Variants in EPB41 observed in about 807,000 individuals in gnomAD.
The protein encoded by EPB41 is erythrocyte membrane protein band 4.1.
EPB41 carries 65 observed loss-of-function variants against 108.0 expected under a neutral mutation model. The observed-to-expected ratio is 0.60, with a 90% CI of 0.49 to 0.74. The LOEUF is 0.74. EPB41 is among the 30% of genes least tolerant of loss of function. EPB41 has a pLI of 0.00. For synonymous variants in EPB41, 336 were observed against 358.9 expected (o/e 0.94, Z 0.72); for missense variants, 875 against 1,037.0 (o/e 0.84, Z 2.15).
chr1:29,100,687 A>G (rs564534041), intron 17 of EPB41, among the ~76,000 whole-genome samples: 2 of 146,792 alleles, frequency 1.4e-5, no homozygotes, highest in East Asian at 3.9e-4. Flanking sequence ...TAAATTATAT[A>G]ATTATAATAT....
intron 16 of EPB41, among the ~76,000 whole-genome samples, chr1:29,092,050 G>A (rs1003456930): frequency 2.7e-5 from 4 of 148,972 alleles, no homozygotes; most frequent in African/African-American, 9.9e-5. Context: ...GTGTAAGCTG[G>A]TTCAAACTGT....
intron 15 of EPB41, among the ~76,000 whole-genome samples, chr1:29,062,778 G>A (rs1021343926): frequency 4.0e-5 from 6 of 151,456 alleles, no homozygotes; most frequent in Non-Finnish European, 8.8e-5. Context: ...CTCCCAGAGA[G>A]AACCTGTAGC....
intron 16 of EPB41, among the ~76,000 whole-genome samples, chr1:29,087,278 A>C (rs1659444992): frequency 6.6e-6 from 1 of 151,792 alleles, no homozygotes; most frequent in Admixed American, 6.6e-5. Context: ...AAATATGTAA[A>C]TCCTTACTTC....
At chr1:28,980,036 T>A (rs2095700311) in intron 1 of EPB41, among the ~76,000 whole-genome samples, 1 of 152,196 alleles carries the variant, frequency 6.6e-6, no homozygotes, top group African/African-American at 2.4e-5. Context: ...ACAGCAAGGA[T>A]GAAAGTTTCA....
Position 29,118,587 on chromosome 1 carries a change from C to CAACA in EPB41, c.*1776_*1779dup, listed in dbSNP as rs1166407352. 2.0e-5 allele frequency: 3 copies of CAACA among 152,282 alleles called. No homozygotes were observed. The highest frequency in any genetic ancestry group is 7.2e-5 in the African/African-American group (3 of 41,448). 9.4% of individuals were successfully genotyped at this position (152,282 alleles called of 1,614,324 possible). On this transcript the variant is annotated 3_prime_UTR_variant, in exon 21 of 21. Transcript: ENST00000343067. Reference sequence around the variant, plus strand: ...GAGAAATGTCTAAAGCTGCTTCTCCCAACACCGTCCAAAGTCTCCACTGCC... The same window carrying CAACA: ...GAGAAATGTCTAAAGCTGCTTCTCCCAACAAACACCGTCCAAAGTCTCCACTGCC...
intron 2 of EPB41, among the ~76,000 whole-genome samples, chr1:28,988,123 C>T (rs1230834225): frequency 6.6e-6 from 1 of 152,110 alleles, no homozygotes; most frequent in Non-Finnish European, 1.5e-5. Context: ...ATTAGCCGGG[C>T]CTGATGGCGG....
At chr1:28,903,567 C>T (rs1442254416) in intron 1 of EPB41, among the ~76,000 whole-genome samples, 1 of 151,952 alleles carries the variant, frequency 6.6e-6, no homozygotes, top group African/African-American at 2.4e-5. Flanking sequence ...GTGATCTGCC[C>T]ACCTCAGCCT....
intron 1 of EPB41, among the ~76,000 whole-genome samples, chr1:28,962,222 G>A (rs2095238685): frequency 6.6e-6 from 1 of 151,794 alleles, no homozygotes; most frequent in Non-Finnish European, 1.5e-5. Flanking sequence ...CATCATGCCC[G>A]GCTAATTTTT....
intron 7 of EPB41, among the ~76,000 whole-genome samples, chr1:29,027,335 C>G (rs957014841): frequency 7.5e-6 from 1 of 133,946 alleles, no homozygotes; most frequent in African/African-American, 3.2e-5. Flanking sequence ...GGTCTCTCAA[C>G]ATTTTTTTTT....
chr1:28,950,817 A>AGTCTCTTAAGT (rs2148957965), intron 1 of EPB41, among the ~76,000 whole-genome samples: 1 of 152,264 alleles, frequency 6.6e-6, no homozygotes, highest in Non-Finnish European at 1.5e-5. Context: ...AGACATCTTG[A>AGTCTCTTAAGT]ACAGGCACCT....
rs1444692589 is a variant in EPB41, at chr1:29,058,795, A to G, written c.1903-16A>G. The G allele has an allele frequency of 1.9e-6, 3 of 1,541,518 alleles. No homozygotes were observed. The highest frequency in any genetic ancestry group is 2.6e-6 in the Non-Finnish European group (3 of 1,143,728). ...TTTTATCATTTTTCTTTCTTTTTTA[A>G]ATTATGGCAAAACAGAAGCTTGCAG... On this transcript the variant is annotated splice_polypyrimidine_tract_variant and intron_variant, in intron 13 of 20. Coordinates refer to ENST00000343067, the MANE Select transcript of EPB41 (RefSeq NM_001376013.1).
intron 1 of EPB41, among the ~76,000 whole-genome samples, chr1:28,966,404 C>T (rs1045656854): frequency 1.3e-5 from 2 of 152,232 alleles, no homozygotes; most frequent in African/African-American, 4.8e-5. Context: ...CAAAATCAGT[C>T]TTTCTTTTGT....
chr1:29,096,739 C>T, intron 16 of EPB41: 1 of 282,462 alleles, frequency 3.5e-6, no homozygotes, highest in Non-Finnish European at 5.3e-6. Flanking sequence ...AGACTAAAAG[C>T]CTTTGATTGT....
intron 1 of EPB41, among the ~76,000 whole-genome samples, chr1:28,916,740 C>G (rs890292228): frequency 2.7e-4 from 41 of 152,126 alleles, no homozygotes; most frequent in African/African-American, 9.7e-4. Flanking sequence ...TGTTTGAATT[C>G]AGGCTTAGAA....
At chr1:29,014,874 G>A (rs897438780) in intron 5 of EPB41, among the ~76,000 whole-genome samples, 25 of 152,064 alleles carry the variant, frequency 1.6e-4, no homozygotes, top group African/African-American at 5.6e-4. Context: ...GGCCAGGCAC[G>A]ATGGCTTATG....
chr1:29,086,276 T>C (rs1196529972), intron 16 of EPB41, among the ~76,000 whole-genome samples: 1 of 122,350 alleles, frequency 8.2e-6, no homozygotes. Flanking sequence ...TTGTCTTTCC[T>C]TTTTTTTTTT....
chr1:29,110,851 T>C (rs1021341081), intron 18 of EPB41, among the ~76,000 whole-genome samples: 4 of 152,184 alleles, frequency 2.6e-5, no homozygotes, highest in African/African-American at 9.6e-5. Flanking sequence ...GTGTGACATA[T>C]TTGTTCATAG....
intron 4 of EPB41, among the ~76,000 whole-genome samples, chr1:29,002,729 A>T (rs377152428): frequency 7.9e-5 from 12 of 152,310 alleles, no homozygotes; most frequent in African/African-American, 2.4e-4. Context: ...ATTGGCTTTT[A>T]TTTGTGATTC....
intron 9 of EPB41, among the ~76,000 whole-genome samples, chr1:29,034,966 GT>G (rs1329187126): frequency 8.4e-6 from 1 of 119,274 alleles, no homozygotes; most frequent in African/African-American, 3.2e-5. Context: ...GGGTTTGTTT[GT>G]TTGTTGTTTT....
Sources: allele counts gnomAD v4.1 joint callset (sites outside exome capture counted in the v4.1 genomes callset), GRCh38; gene constraint gnomAD v4.1.1; transcripts MANE v1.5; gene names NCBI Gene and HGNC (gene_info 2026-07-23, HGNC 2026-07-21).